The following CHN1 variants were observed in gnomAD, a reference collection of about 807,000 sequenced individuals.
CHN1 encodes chimerin 1.
CHN1 carries 37 observed loss-of-function variants against 59.5 expected under a neutral mutation model. The observed-to-expected ratio is 0.62, with a 90% CI of 0.48 to 0.82. The LOEUF is 0.82. Among genes scored for constraint, CHN1 ranks in the 40% least tolerant of loss-of-function variants. The probability of loss-of-function intolerance (pLI) is 0.00; values close to 1 mark genes in which losing one functional copy is unlikely to be tolerated. For synonymous variants in CHN1, 206 were observed against 200.4 expected, an observed-to-expected ratio of 1.03 and a Z score of -0.24; for missense variants, 469 against 571.0, an observed-to-expected ratio of 0.82 and a Z score of 1.82.
intron 7 of CHN1, among the ~76,000 whole-genome samples, chr2:174,829,483 T>C (rs961370947): frequency 6.6e-6 from 1 of 152,254 alleles, no homozygotes; most frequent in Admixed American, 6.5e-5. Context: ...TTTACAGCAT[T>C]CATATCTCCA....
chr2:174,994,857 T>A (rs1691656001), intron 1 of CHN1, among the ~76,000 whole-genome samples: 1 of 152,198 alleles, frequency 6.6e-6, no homozygotes, highest in Non-Finnish European at 1.5e-5. Flanking sequence ...GATAGTCTTA[T>A]ATACAAGCTA....
At chr2:174,842,459 T>C (rs1383946951) in intron 7 of CHN1, among the ~76,000 whole-genome samples, 2 of 152,220 alleles carry the variant, frequency 1.3e-5, no homozygotes, top group Non-Finnish European at 2.9e-5. Flanking sequence ...AATCTAATGG[T>C]TCACAATACA....
intron 8 of CHN1, among the ~76,000 whole-genome samples, chr2:174,820,210 T>C (rs1371322484): frequency 6.6e-6 from 1 of 152,130 alleles, no homozygotes; most frequent in Non-Finnish European, 1.5e-5. Flanking sequence ...GGTCAAATGG[T>C]ATTTCTAGTT....
chr2:174,849,552 A>C (rs1187220876), intron 6 of CHN1, among the ~76,000 whole-genome samples: 1 of 152,176 alleles, frequency 6.6e-6, no homozygotes, highest in East Asian at 1.9e-4. Flanking sequence ...TGATAACTCT[A>C]AAATTCAGAA....
chr2:174,812,248 C>T (rs1449626257), intron 9 of CHN1, 61 bp downstream of exon 9: 11 of 1,417,038 alleles, frequency 7.8e-6, no homozygotes, highest in Non-Finnish European at 9.5e-6. Flanking sequence ...ACCCAAAAGG[C>T]ATCAGGATTG....
At chr2:174,863,699 T>C (rs1023831696) in intron 6 of CHN1, among the ~76,000 whole-genome samples, 3 of 152,192 alleles carry the variant, frequency 2.0e-5, no homozygotes, top group Admixed American at 2.0e-4. Flanking sequence ...CAGAACCGCA[T>C]ATCTAATCTA....
chr2:174,850,549 G>A (rs775462649), intron 6 of CHN1, among the ~76,000 whole-genome samples: 1 of 152,150 alleles, frequency 6.6e-6, no homozygotes. Flanking sequence ...TATCTGCAGG[G>A]AGTAACCAAT....
intron 1 of CHN1, among the ~76,000 whole-genome samples, chr2:174,958,925 T>G (rs1428085717): frequency 1.3e-5 from 2 of 152,198 alleles, no homozygotes; most frequent in Admixed American, 6.5e-5. Context: ...TGGTCTTCCA[T>G]GTACACCTGC....
chr2:174,943,182 TTGTG>T (rs3056103), intron 3 of CHN1, among the ~76,000 whole-genome samples: 8,843 of 149,752 alleles, frequency 0.059, 758 homozygotes, highest in African/African-American at 0.19. Context: ...TAGGGTTTGC[TTGTG>T]TGTGTGTGTG....
chr2:174,994,060 C>T (rs2105466431), intron 1 of CHN1, among the ~76,000 whole-genome samples: 1 of 152,252 alleles, frequency 6.6e-6, no homozygotes, highest in East Asian at 1.9e-4. Flanking sequence ...GAGGGTAAAA[C>T]ATGAACAAAC....
At chr2:174,845,864 A>C (rs1223646247) in intron 7 of CHN1, among the ~76,000 whole-genome samples, 2 of 152,108 alleles carry the variant, frequency 1.3e-5, no homozygotes, top group Admixed American at 6.6e-5. Flanking sequence ...ATGTGGAATG[A>C]AATTATCTAT....
At chr2:174,940,493 G>A (rs1413439298) in intron 3 of CHN1, among the ~76,000 whole-genome samples, 10 of 151,536 alleles carry the variant, frequency 6.6e-5, no homozygotes. Context: ...TGATGGCCAT[G>A]TCTCTTTAGT....
chr2:174,823,435 G>A (rs531356990), intron 8 of CHN1, among the ~76,000 whole-genome samples: 7 of 152,102 alleles, frequency 4.6e-5, no homozygotes, highest in Admixed American at 2.0e-4. Context: ...AGGCTGAGGC[G>A]GGTGGATCAC....
intron 7 of CHN1, among the ~76,000 whole-genome samples, chr2:174,824,753 G>A (rs1165257519): frequency 6.6e-6 from 1 of 152,100 alleles, no homozygotes; most frequent in Non-Finnish European, 1.5e-5. Context: ...TGGGACTACA[G>A]GCACACACGA....
rs113507202 is a variant in CHN1, at chr2:174,872,947, A to G, written c.549+4893T>C. ...CAGAGTAATGGTATCCATAATCCCCATTTTAGAGACTGGGGCAACTTGAGA... is the reference window on the plus strand; with the variant it reads ...CAGAGTAATGGTATCCATAATCCCCGTTTTAGAGACTGGGGCAACTTGAGA... On this transcript the variant is annotated intron_variant, in intron 6 of 12. Coordinates refer to ENST00000409900, the MANE Select transcript of CHN1 (RefSeq NM_001822.7). 3.8e-3 allele frequency among the ~76,000 whole-genome samples: 582 copies of G among 152,136 alleles called. 1 individual carries two copies. Among genetic ancestry groups the G allele is most frequent in the African/African-American group, 0.013 (545 of 41,506 alleles).
intron 8 of CHN1, among the ~76,000 whole-genome samples, chr2:174,820,171 T>C (rs1685435386): frequency 6.6e-6 from 1 of 152,190 alleles, no homozygotes; most frequent in Non-Finnish European, 1.5e-5. Flanking sequence ...TATAATCCTT[T>C]GGGTATATAC....
chr2:174,824,568 G>A (rs1685619250), intron 7 of CHN1, 50 bp from the exon 8 acceptor site: 3 of 1,124,266 alleles, frequency 2.7e-6, no homozygotes, highest in Admixed American at 2.0e-5. Context: ...ACACACGGAT[G>A]AGAAGACTGC....
At chr2:174,843,891 C>G (rs1018734241) in intron 7 of CHN1, among the ~76,000 whole-genome samples, 2 of 151,990 alleles carry the variant, frequency 1.3e-5, no homozygotes, top group African/African-American at 4.8e-5. Flanking sequence ...CAGAAAGCCT[C>G]AGAATGCATG....
rs2105460415 is a variant in CHN1, at chr2:174,867,283, A to T, written c.549+10557T>A. Among the ~76,000 whole-genome samples, 3 of 152,076 alleles carry T rather than the reference A, an allele frequency of 2.0e-5. No individual in the cohort carries two copies. The South Asian group carries it at 6.2e-4, about 32-fold the overall frequency. On this transcript the variant is annotated intron_variant, in intron 6 of 12. Coordinates refer to ENST00000409900, the MANE Select transcript of CHN1 (RefSeq NM_001822.7). Reference sequence around the variant, plus strand: ...CCCAGCTATTCGGGAGGCTTGAGGCATGAGAATCACCTGAACTCGGGAGAT... The same window carrying T: ...CCCAGCTATTCGGGAGGCTTGAGGCTTGAGAATCACCTGAACTCGGGAGAT...
Sources: allele counts gnomAD v4.1 joint callset (sites outside exome capture counted in the v4.1 genomes callset), GRCh38; gene constraint gnomAD v4.1.1; transcripts MANE v1.5; gene names NCBI Gene and HGNC (gene_info 2026-07-23, HGNC 2026-07-21).